Variants in LEMD1 observed in about 807,000 individuals in gnomAD.
LEMD1 encodes LEM domain-containing protein 1.
Under a neutral mutation model 17.4 loss-of-function variants are expected in LEMD1, and 18 were observed. The observed-to-expected ratio is 1.04, with a 90% CI of 0.72 to 1.54. The LOEUF (loss-of-function observed/expected upper bound fraction) is 1.54, where lower values mean the gene tolerates loss of function less well. Ranked by LOEUF, LEMD1 falls within the 40% of genes most tolerant of loss-of-function variation. The pLI, the probability that LEMD1 is intolerant of heterozygous loss-of-function variation, is 0.00. For missense variants in LEMD1, 195 were observed against 210.4 expected (o/e 0.93, Z 0.45); for synonymous variants, 88 against 77.8 (o/e 1.13, Z -0.69).
At chr1:205,440,006 C>G (rs1276088926) in intron 1 of LEMD1, among the ~76,000 whole-genome samples, 1 of 152,018 alleles carries the variant, frequency 6.6e-6, no homozygotes, top group East Asian at 1.9e-4. Flanking sequence ...CCTAGAGGTC[C>G]CCCCACCCTA....
chr1:205,393,850 C>T (rs1182247617), intron 4 of LEMD1, among the ~76,000 whole-genome samples: 1 of 146,160 alleles, frequency 6.8e-6, no homozygotes, highest in African/African-American at 2.6e-5. Context: ...CTCCTAGGTA[C>T]CTAGCCAAAA....
rs1195608959 is a variant in LEMD1 at position 205,419,287 on chromosome 1, G to A, written c.148C>T (p.Pro50Ser). 6.2e-7 allele frequency: 1 copy of A among 1,614,162 alleles called. No homozygotes were observed. The highest frequency in any genetic ancestry group is 8.5e-7 in the Non-Finnish European group (1 of 1,179,982). The change falls in exon 3 of 6, where the codon CCT becomes TCT. Residue 50 changes from proline to serine, a missense_variant. Transcript: ENST00000367153. ...QLLVSPPCAP[P>S]VMNGPRELDG... ...AGCTCTCTGGGTCCATTCATCACAGGTGGTGCACAGGGAGGTGAGACCAAC... is the reference window on the plus strand; with the variant it reads ...AGCTCTCTGGGTCCATTCATCACAGATGGTGCACAGGGAGGTGAGACCAAC...
intron 1 of LEMD1, chr1:205,435,256 T>C (rs1040614824): frequency 1.3e-5 from 2 of 152,060 alleles, no homozygotes; most frequent in African/African-American, 4.8e-5. Flanking sequence ...GGTATATAGG[T>C]GGGGAACGTT....
At chr1:205,426,161 G>A (rs534792881), upstream of LEMD1, among the ~76,000 whole-genome samples, 2 of 152,238 alleles carry the variant, frequency 1.3e-5, no homozygotes, top group African/African-American at 2.4e-5. Context: ...AAACCTAAAC[G>A]GTCCTAACCT....
chr1:205,403,714 T>A (rs1366514492), intron 4 of LEMD1, among the ~76,000 whole-genome samples: 1 of 152,198 alleles, frequency 6.6e-6, no homozygotes, highest in African/African-American at 2.4e-5. Flanking sequence ...AGTTCTGCTC[T>A]GATTTTAGTT....
chr1:205,449,629 A>G (rs2102477872), intron 1 of LEMD1, among the ~76,000 whole-genome samples: 1 of 151,526 alleles, frequency 6.6e-6, no homozygotes, highest in East Asian at 1.9e-4. Context: ...CCCTCCACAC[A>G]CTCCAGACAT....
Position 205,381,538 on chromosome 1 carries a change from T to A in LEMD1, c.*120A>T. 1 of 951,794 alleles carries A rather than the reference T, an allele frequency of 1.1e-6. No homozygotes were observed. The highest frequency in any genetic ancestry group is 1.8e-5 in the Admixed American group (1 of 55,706). The allele number at this position is 951,794 out of a possible 1,614,324, so 59.0% of individuals were successfully genotyped here. A position where few individuals can be genotyped will look rare whatever the true frequency, so the allele number is the denominator to read the frequency against. On this transcript the variant is annotated 3_prime_UTR_variant, in exon 6 of 6. Transcript: ENST00000367153. ...ACACCGATCTGTGAGAGCAGCACAG[T>A]GCAAGGGAAGGCTCCCTGCAAGGGA...
intron 4 of LEMD1, among the ~76,000 whole-genome samples, chr1:205,390,548 C>T (rs899614335): frequency 1.3e-5 from 2 of 152,114 alleles, no homozygotes; most frequent in African/African-American, 4.8e-5. Flanking sequence ...AATAAAAAGT[C>T]TTAGCCAGCA....
chr1:205,408,239 C>A (rs572518081), intron 4 of LEMD1, among the ~76,000 whole-genome samples: 3 of 152,084 alleles, frequency 2.0e-5, no homozygotes, highest in African/African-American at 7.2e-5. Context: ...GGAGAGTGTC[C>A]TTTGGTAGGC....
At chr1:205,431,514 T>C (rs1666125051) in intron 1 of LEMD1, among the ~76,000 whole-genome samples, 1 of 152,222 alleles carries the variant, frequency 6.6e-6, no homozygotes, top group Admixed American at 6.5e-5. Flanking sequence ...GTGACTTCTC[T>C]AGGCCGCCAC....
intron 4 of LEMD1, among the ~76,000 whole-genome samples, chr1:205,411,418 G>A (rs1335535579): frequency 6.6e-6 from 1 of 151,950 alleles, no homozygotes; most frequent in African/African-American, 2.4e-5. Context: ...AGCCGGGCGT[G>A]GTGGCGGGCG....
chr1:205,419,428 T>C, intron 2 of LEMD1, 76 bp from the exon 3 acceptor site: 1 of 1,510,390 alleles, frequency 6.6e-7, no homozygotes, highest in Non-Finnish European at 9.1e-7. Context: ...AGGTATTTCA[T>C]AACTCAGAAT....
intron 4 of LEMD1, among the ~76,000 whole-genome samples, chr1:205,405,567 A>G (rs1665053677): frequency 6.8e-6 from 1 of 146,426 alleles, no homozygotes; most frequent in African/African-American, 2.6e-5. Flanking sequence ...TCCTTTAAGC[A>G]CTTCTCTGTA....
intron 1 of LEMD1, among the ~76,000 whole-genome samples, chr1:205,431,052 C>T (rs1163824679): frequency 6.6e-6 from 1 of 152,110 alleles, no homozygotes; most frequent in Admixed American, 6.5e-5. Flanking sequence ...GAGAGCCCAG[C>T]GAGCTTGGGG....
At chr1:205,430,702 A>C (rs540604383) in intron 1 of LEMD1, among the ~76,000 whole-genome samples, 10 of 152,258 alleles carry the variant, frequency 6.6e-5, no homozygotes, top group Non-Finnish European at 1.2e-4. Flanking sequence ...ACACTGCCCC[A>C]GGAGCTTCCC....
At chr1:205,434,825 T>G (rs1158485003) in intron 1 of LEMD1, 1 of 152,218 alleles carries the variant, frequency 6.6e-6, no homozygotes, top group East Asian at 1.9e-4. Flanking sequence ...TGTATCACAG[T>G]GCAAAATAAA....
chr1:205,422,646 C>T (rs1383093821), upstream of LEMD1, among the ~76,000 whole-genome samples: 1 of 149,506 alleles, frequency 6.7e-6, no homozygotes, highest in Non-Finnish European at 1.5e-5. Flanking sequence ...TTGTTGTTGT[C>T]TTATTTTGTT....
chr1:205,432,295 C>G (rs1666135618), intron 1 of LEMD1, among the ~76,000 whole-genome samples: 1 of 152,196 alleles, frequency 6.6e-6, no homozygotes, highest in Admixed American at 6.5e-5. Flanking sequence ...GAGCCCCCAG[C>G]CACTCCTCCT....
intron 1 of LEMD1, among the ~76,000 whole-genome samples, chr1:205,429,253 A>C (rs1442009508): frequency 2.6e-5 from 4 of 152,202 alleles, no homozygotes; most frequent in African/African-American, 9.7e-5. Flanking sequence ...TGCTGCAACT[A>C]TTTTAACACA....
Sources: gnomAD v4.1 joint callset for allele counts (sites outside exome capture counted in the v4.1 genomes callset) on GRCh38, gnomAD v4.1.1 for gene constraint, MANE v1.5 for transcripts, NCBI Gene and HGNC (gene_info 2026-07-23, HGNC 2026-07-21) for gene names.